The following ZDHHC11B variants were observed in gnomAD, a reference collection of about 807,000 sequenced individuals.
ZDHHC11B encodes the protein probable palmitoyltransferase ZDHHC11B.
ZDHHC11B carries 17 observed loss-of-function variants against 42.3 expected under a neutral mutation model. The observed-to-expected ratio is 0.40, with a 90% CI of 0.27 to 0.60. The LOEUF is 0.60. Among genes scored for constraint, ZDHHC11B ranks in the 20% least tolerant of loss-of-function variants. The pLI, the probability that ZDHHC11B is intolerant of heterozygous loss-of-function variation, is 0.41. For synonymous variants in ZDHHC11B, 123 were observed against 193.5 expected, an observed-to-expected ratio of 0.64 and a Z score of 3.02; for missense variants, 262 against 463.2, an observed-to-expected ratio of 0.57 and a Z score of 3.99.
chr5:730,320 T>G (rs1160976747), intron 12 of ZDHHC11B, 114 bp downstream of exon 12: 2 of 1,295,674 alleles, frequency 1.5e-6, no homozygotes, highest in African/African-American at 3.0e-5. Context: ...CTACTTTCCC[T>G]TATGTCATCA....
chr5:766,889 CG>C lies in ZDHHC11B; in HGVS notation c.30del (p.Val11SerfsTer21), dbSNP rs779420320. On this transcript the variant is annotated frameshift_variant, in exon 4 of 14. Transcript: ENST00000508859. LOFTEE classifies it high-confidence loss of function. MDTRSGSQC[S>X]VTPEAIRNNE... ...TTGTTGCGTATGGCTTCTGGGGTGA[CG>C]GAACACTGGCTCCCGGAGCGGGTGT... 1 of 1,612,478 alleles carries C rather than the reference CG, an allele frequency of 6.2e-7. No homozygotes were observed. The highest frequency in any genetic ancestry group is 8.5e-7 in the Non-Finnish European group (1 of 1,179,168).
At chr5:744,730 G>T (rs1744552712) in intron 9 of ZDHHC11B, among the ~76,000 whole-genome samples, 1 of 148,220 alleles carries the variant, frequency 6.7e-6, no homozygotes, top group African/African-American at 2.5e-5. Context: ...AATTAGTGGG[G>T]CGTAGTGGCA....
intron 13 of ZDHHC11B, 35 bp downstream of exon 13, chr5:716,766 G>C: frequency 1.2e-6 from 2 of 1,612,304 alleles, no homozygotes; most frequent in Non-Finnish European, 1.7e-6. Context: ...AACTTGGGTA[G>C]ATTTCAACAT....
At chr5:719,443 AT>A (rs1742018170) in intron 12 of ZDHHC11B, among the ~76,000 whole-genome samples, 1 of 151,658 alleles carries the variant, frequency 6.6e-6, no homozygotes, top group South Asian at 2.1e-4. Context: ...AAAATTACAT[AT>A]GAGCAAATTA....
intron 8 of ZDHHC11B, among the ~76,000 whole-genome samples, chr5:746,601 G>A (rs1226807132): frequency 1.4e-5 from 2 of 147,560 alleles, no homozygotes; most frequent in Non-Finnish European, 3.0e-5. Flanking sequence ...AGCCCCGCAT[G>A]GCTTCAGGCC....
intron 12 of ZDHHC11B, among the ~76,000 whole-genome samples, chr5:720,129 T>C (rs1742074419): frequency 6.6e-6 from 1 of 151,714 alleles, no homozygotes; most frequent in Admixed American, 6.6e-5. Context: ...CTGAAAACTT[T>C]CCAAATCTAA....
chr5:776,806 T>C (rs28516667), intron 1 of ZDHHC11B, among the ~76,000 whole-genome samples: 61,437 of 149,976 alleles, frequency 0.41, 10,140 homozygotes, highest in African/African-American at 0.59. Flanking sequence ...GCGGCTCAGG[T>C]CCCATTCCTT....
At chr5:757,659 C>A (rs749419904) in intron 4 of ZDHHC11B, among the ~76,000 whole-genome samples, 1 of 151,996 alleles carries the variant, frequency 6.6e-6, no homozygotes, top group African/African-American at 2.4e-5. Flanking sequence ...CAGGATGCAC[C>A]GCACACCCTG....
At chr5:730,495 T>A (rs751334012) in intron 11 of ZDHHC11B, 27 bp from the exon 12 acceptor site, 21 of 1,550,782 alleles carry the variant, frequency 1.4e-5, no homozygotes, top group Middle Eastern at 1.7e-4. Context: ...AGCAAAATTC[T>A]TAGGATGAAC....
chr5:718,923 G>A (rs1349068159), intron 12 of ZDHHC11B, among the ~76,000 whole-genome samples: 2 of 151,634 alleles, frequency 1.3e-5, no homozygotes, highest in African/African-American at 4.9e-5. Flanking sequence ...TGCCCTGAGG[G>A]ATCAATACAG....
chr5:761,697 T>C (rs1734635678), intron 4 of ZDHHC11B, among the ~76,000 whole-genome samples: 1 of 151,826 alleles, frequency 6.6e-6, no homozygotes, highest in Non-Finnish European at 1.5e-5. Flanking sequence ...TAGAACCCCA[T>C]GGAACCCCCA....
At chr5:771,784 T>C (rs1236572472) in intron 1 of ZDHHC11B, among the ~76,000 whole-genome samples, 1 of 149,554 alleles carries the variant, frequency 6.7e-6, no homozygotes, top group Non-Finnish European at 1.5e-5. Context: ...TCTGGGATGC[T>C]TCAAACTCAG....
rs1371794629 is a variant in ZDHHC11B, at chr5:725,111, C to CAGGATGACA, written c.1058+5322_1058+5323insTGTCATCCT. On this transcript the variant is annotated intron_variant, in intron 12 of 13. Coordinates refer to ENST00000508859, the MANE Select transcript of ZDHHC11B (RefSeq NM_001351303.2). ...GGTGTCAGCTCCCGAATGTGGGACC[C>CAGGATGACA]GGATGACAGGATTCGTGAGTGCCTT... Among the ~76,000 whole-genome samples, 88 of 151,504 alleles carry CAGGATGACA rather than the reference C, an allele frequency of 5.8e-4. No individual in the cohort carries two copies. The Middle Eastern group carries it at 0.014, about 23-fold the overall frequency.
intron 4 of ZDHHC11B, 68 bp downstream of exon 4, chr5:766,630 A>C: frequency 6.8e-7 from 1 of 1,476,764 alleles, no homozygotes; most frequent in South Asian, 1.3e-5. Context: ...CAGACCCCAC[A>C]GCCAGGTCCA....
intron 1 of ZDHHC11B, among the ~76,000 whole-genome samples, chr5:771,619 C>G (rs1280045140): frequency 6.6e-6 from 1 of 151,468 alleles, no homozygotes; most frequent in African/African-American, 2.4e-5. Flanking sequence ...TTCTTTGAAA[C>G]AGGAGCTTCT....
intron 12 of ZDHHC11B, among the ~76,000 whole-genome samples, chr5:728,194 A>C (rs1335456556): frequency 6.6e-6 from 1 of 151,966 alleles, no homozygotes. Flanking sequence ...AGGAAAATGC[A>C]CATTGAAACA....
rs563626279 is a variant in ZDHHC11B at position 743,600 on chromosome 5, A to G, written c.900+1583T>C. Among the ~76,000 whole-genome samples the G allele has an allele frequency of 1.1e-4, 17 of 149,734 alleles. 1 individual carries two copies. Among genetic ancestry groups the G allele is most frequent in the Admixed American group, 1.0e-3 (15 of 14,772 alleles). On this transcript the variant is annotated intron_variant, in intron 9 of 13. Transcript: ENST00000508859. ...CTGACTTCTCTCAGTCATGGTGTGT[A>G]GCTTTCAGTGTACATATTTGCCCAA...
chr5:767,318 G>C lies in ZDHHC11B; in HGVS notation c.-1+74C>G, dbSNP rs1232002881. ...GCCCTCTCCCCACCCACACACATGT[G>C]GGGCTCCGGGTCCCACACCAGGGCG... On this transcript the variant is annotated intron_variant, in intron 3 of 13. Transcript: ENST00000508859. 12 of 1,503,416 alleles carry C rather than the reference G, an allele frequency of 8.0e-6. 1 individual carries two copies. The Admixed American group carries it at 1.9e-4, about 24-fold the overall frequency. 93.1% of individuals were successfully genotyped at this position (1,503,416 alleles called of 1,614,324 possible). A position where few individuals can be genotyped will look rare whatever the true frequency, so the allele number is the denominator to read the frequency against.
At chr5:732,860 C>T (rs1176404223) in intron 11 of ZDHHC11B, among the ~76,000 whole-genome samples, 3 of 151,818 alleles carry the variant, frequency 2.0e-5, no homozygotes, top group Non-Finnish European at 4.4e-5. Context: ...CAAGCCTGGA[C>T]AAGAGAGTGA....
Sources: allele counts gnomAD v4.1 joint callset (sites outside exome capture counted in the v4.1 genomes callset), GRCh38; gene constraint gnomAD v4.1.1; transcripts MANE v1.5; gene names NCBI Gene and HGNC (gene_info 2026-07-23, HGNC 2026-07-21).